ANKDD1A: variants seen among roughly 807,000 people sequenced by gnomAD.
The protein encoded by ANKDD1A is ankyrin repeat and death domain-containing protein 1A.
Under a neutral mutation model 63.5 loss-of-function variants are expected in ANKDD1A, and 59 were observed. The observed-to-expected ratio is 0.93, with a 90% CI of 0.75 to 1.15. The LOEUF (loss-of-function observed/expected upper bound fraction) is 1.15. ANKDD1A is among the 50% of genes most tolerant of loss of function. The pLI, the probability that ANKDD1A is intolerant of heterozygous loss-of-function variation, is 0.00. For synonymous variants in ANKDD1A, 266 were observed against 263.9 expected, an observed-to-expected ratio of 1.01 and a Z score of -0.08; for missense variants, 632 against 656.4, an observed-to-expected ratio of 0.96 and a Z score of 0.41.
chr15:64,952,650 TCC>T (rs1354904978), intron 14 of ANKDD1A, among the ~76,000 whole-genome samples: 672 of 12,658 alleles, frequency 0.053, no homozygotes, highest in Non-Finnish European at 0.16. Context: ...CTTCTCCTTC[TCC>T]TTCTTCTTCC....
intron 12 of ANKDD1A, among the ~76,000 whole-genome samples, chr15:64,945,630 A>ATATATATATATG (rs1188413566): frequency 8.7e-5 from 4 of 46,154 alleles, no homozygotes; most frequent in Non-Finnish European, 1.1e-4. Context: ...ATATATATAT[A>ATATATATATATG]TGAACTTTTT....
intron 14 of ANKDD1A, among the ~76,000 whole-genome samples, chr15:64,952,707 TCTC>T (rs1231258892): frequency 2.5e-4 from 36 of 145,248 alleles, no homozygotes; most frequent in East Asian, 1.8e-3. Context: ...TCTTAGTTCT[TCTC>T]CTTTCTTCTT....
At chr15:64,919,312 C>G (rs1380546908) in intron 3 of ANKDD1A, among the ~76,000 whole-genome samples, 1 of 152,328 alleles carries the variant, frequency 6.6e-6, no homozygotes, top group Non-Finnish European at 1.5e-5. Context: ...CGTGCTTGTT[C>G]TTTCTCCTTC....
chr15:64,917,542 A>G (rs1477411448), intron 3 of ANKDD1A, 28 bp downstream of exon 3: 6 of 1,423,752 alleles, frequency 4.2e-6, no homozygotes, highest in Non-Finnish European at 3.8e-6. Flanking sequence ...TGTCTGTCTC[A>G]GGGTGGTGGG....
intron 14 of ANKDD1A, chr15:64,951,555 T>TTTTTTTTCTTC (rs1555397397): frequency 1.4e-4 from 1 of 6,928 alleles, no homozygotes; most frequent in Non-Finnish European, 9.6e-4. Context: ...TCTTCTCTTC[T>TTTTTTTTCTTC]TTCTTTTTCT....
At chr15:64,925,121 G>C (rs1223864094) in intron 4 of ANKDD1A, among the ~76,000 whole-genome samples, 1 of 151,582 alleles carries the variant, frequency 6.6e-6, no homozygotes, top group Non-Finnish European at 1.5e-5. Context: ...CCAGCTACTC[G>C]GGAGGTTGAG....
chr15:64,931,376 C>A, intron 7 of ANKDD1A, 111 bp from the exon 8 acceptor site: 2 of 971,656 alleles, frequency 2.1e-6, no homozygotes, highest in Non-Finnish European at 3.1e-6. Context: ...CAGTGGAGAG[C>A]TCAAGGGGTC....
intron 14 of ANKDD1A, among the ~76,000 whole-genome samples, chr15:64,955,047 CT>C (rs201230886): frequency 0.36 from 3,379 of 9,380 alleles, 57 homozygotes; most frequent in Middle Eastern, 0.5. Flanking sequence ...TTCTTTCTTT[CT>C]TTCTTCTTCT....
chr15:64,952,598 CGT>C (rs2085314046), intron 14 of ANKDD1A, among the ~76,000 whole-genome samples: 2 of 34,804 alleles, frequency 5.7e-5, no homozygotes, highest in Non-Finnish European at 1.5e-4. Flanking sequence ...CTTCTTCCTT[CGT>C]CTTCTTCTTC....
chr15:64,935,209 G>A lies in ANKDD1A; in HGVS notation c.867+975G>A, dbSNP rs188021452. 2.9e-3 allele frequency among the ~76,000 whole-genome samples: 363 copies of A among 123,922 alleles called. 3 individuals are homozygous for A. Among genetic ancestry groups the A allele is most frequent in the African/African-American group, 0.01 (344 of 32,796 alleles). 81.3% of individuals were successfully genotyped at this position (123,922 alleles called of 152,430 possible). Reference sequence around the variant, plus strand: ...CACCACTGCACTCCAGCCTGGGCAAGAGTGAGACTCTGTCTCAAAAAAAAA... The same window carrying A: ...CACCACTGCACTCCAGCCTGGGCAAAAGTGAGACTCTGTCTCAAAAAAAAA... On this transcript the variant is annotated intron_variant, in intron 9 of 14. Coordinates refer to ENST00000319580, the MANE Select transcript of ANKDD1A (RefSeq NM_182703.6).
intron 13 of ANKDD1A, 141 bp downstream of exon 13, chr15:64,947,734 GCT>G: frequency 1.0e-6 from 1 of 1,000,144 alleles, no homozygotes; most frequent in Non-Finnish European, 1.5e-6. Context: ...CACACCTGGT[GCT>G]CTGTCCCTCC....
Position 64,957,225 on chromosome 15 carries a change from T to G in ANKDD1A, c.*37T>G. On this transcript the variant is annotated 3_prime_UTR_variant, in exon 15 of 15. Coordinates refer to ENST00000319580, the MANE Select transcript of ANKDD1A (RefSeq NM_182703.6). ...GGTGCATGCCATCACAGCTGGCTAA[T>G]TTTTGTATTTTTAGTAGAGATGGGG... The G allele has an allele frequency of 3.1e-6, 1 of 323,934 alleles. No individual in the cohort carries two copies. Among genetic ancestry groups the G allele is most frequent in the Non-Finnish European group, 6.0e-6 (1 of 165,646 alleles). The allele number at this position is 323,934 out of a possible 1,614,324, so 20.1% of individuals were successfully genotyped here. A position where few individuals can be genotyped will look rare whatever the true frequency, so the allele number is the denominator to read the frequency against.
chr15:64,912,116 C>T (rs1595844131), intron 1 of ANKDD1A, 152 bp downstream of exon 1: 2 of 777,784 alleles, frequency 2.6e-6, no homozygotes, highest in Admixed American at 4.4e-5. Context: ...GTTACCGGTC[C>T]GCGCACTGGG....
At chr15:64,944,968 C>G (rs373548059) in intron 12 of ANKDD1A, among the ~76,000 whole-genome samples, 2 of 152,306 alleles carry the variant, frequency 1.3e-5, no homozygotes, top group East Asian at 3.9e-4. Context: ...TCCATGCCAG[C>G]GTGGAGATAC....
intron 14 of ANKDD1A, among the ~76,000 whole-genome samples, chr15:64,953,844 TTCTTCTTTCC>T (rs2085361769): frequency 0.066 from 1,080 of 16,460 alleles, 19 homozygotes; most frequent in East Asian, 0.18. Context: ...TCCTCTTCTT[TTCTTCTTTCC>T]TCTTCTTCCT....
At chr15:64,922,580 A>G (rs2085015496) in intron 4 of ANKDD1A, 1 of 152,294 alleles carries the variant, frequency 6.6e-6, no homozygotes, top group Non-Finnish European at 1.5e-5. Flanking sequence ...CAGAGGACCT[A>G]TGAACTTGGA....
intron 14 of ANKDD1A, chr15:64,951,419 CCTCTTTTCTTCT>C (rs2085273578): frequency 7.9e-6 from 1 of 126,462 alleles, no homozygotes; most frequent in Non-Finnish European, 1.0e-5. Context: ...TTCTTTTCTT[CCTCTTTTCTTCT>C]TTTTCTTTCT....
At chr15:64,950,077 G>C in intron 14 of ANKDD1A, 105 bp downstream of exon 14, 2 of 1,535,534 alleles carry the variant, frequency 1.3e-6, no homozygotes, top group Non-Finnish European at 1.8e-6. Context: ...TGTGATGCTG[G>C]CTCTAGGCCT....
At position 64,958,681 on chromosome 15, in the gene ANKDD1A, G is replaced by A. The variant is rs944983315; in HGVS notation, c.*1493G>A. 5.3e-5 allele frequency: 8 copies of A among 152,254 alleles called. No individual in the cohort carries two copies. Among genetic ancestry groups the A allele is most frequent in the African/African-American group, 1.9e-4 (8 of 41,556 alleles). The allele number at this position is 152,254 out of a possible 1,614,324, so 9.4% of individuals were successfully genotyped here. On this transcript the variant is annotated 3_prime_UTR_variant, in exon 15 of 15. Transcript: ENST00000319580. ...TTCTTAAATACAATAAAATTGAAAT[G>A]TTGAAATATATCTCTCAAATCCAGT...
Sources: allele counts gnomAD v4.1 joint callset (sites outside exome capture counted in the v4.1 genomes callset), GRCh38; gene constraint gnomAD v4.1.1; transcripts MANE v1.5; gene names NCBI Gene and HGNC (gene_info 2026-07-23, HGNC 2026-07-21).